The following EBF1 variants were observed in gnomAD, a reference collection of about 807,000 sequenced individuals.
EBF1 encodes the protein EBF transcription factor 1, also known as transcription factor COE1.
A neutral mutation model predicts 68.4 loss-of-function variants in EBF1; 10 were observed. The ratio of observed to expected loss-of-function variants is 0.15; its 90% CI spans 0.09 to 0.25. EBF1 has a LOEUF of 0.25. Ranked by LOEUF, EBF1 falls within the 10% of genes least tolerant of loss-of-function variation. The probability of loss-of-function intolerance (pLI) is 1.00; values close to 1 mark genes in which losing one functional copy is unlikely to be tolerated. For missense variants in EBF1, 509 were observed against 794.4 expected, an observed-to-expected ratio of 0.64 and a Z score of 4.32; for synonymous variants, 298 against 299.8, an observed-to-expected ratio of 0.99 and a Z score of 0.06.
intron 8 of EBF1, among the ~76,000 whole-genome samples, chr5:158,804,407 G>A (rs1047360060): frequency 6.6e-6 from 1 of 151,952 alleles, no homozygotes; most frequent in African/African-American, 2.4e-5. Context: ...AACAATCAAT[G>A]GACATAGCAC....
At chr5:158,785,499 T>C (rs377627168) in intron 9 of EBF1, among the ~76,000 whole-genome samples, 1 of 152,218 alleles carries the variant, frequency 6.6e-6, no homozygotes, top group Non-Finnish European at 1.5e-5. Context: ...CAGAGTTCTC[T>C]GGGTTTCATA....
chr5:158,722,186 A>C (rs937167534), intron 11 of EBF1, among the ~76,000 whole-genome samples: 1 of 152,200 alleles, frequency 6.6e-6, no homozygotes, highest in Non-Finnish European at 1.5e-5. Context: ...CTCTGCTTAA[A>C]GAGAAAGCTC....
At chr5:158,726,382 G>T (rs1762992397) in intron 11 of EBF1, among the ~76,000 whole-genome samples, 1 of 152,162 alleles carries the variant, frequency 6.6e-6, no homozygotes, top group African/African-American at 2.4e-5. Flanking sequence ...GTCAGGCAGG[G>T]CTGGGAGGGC....
intron 6 of EBF1, among the ~76,000 whole-genome samples, chr5:158,980,745 G>GA (rs1757728164): frequency 2.6e-5 from 4 of 152,148 alleles, no homozygotes; most frequent in African/African-American, 7.2e-5. Flanking sequence ...GCTACTGAAG[G>GA]TGTCTCTATG....
intron 10 of EBF1, among the ~76,000 whole-genome samples, chr5:158,772,903 C>T (rs1276477092): frequency 6.6e-6 from 1 of 152,038 alleles, no homozygotes; most frequent in Non-Finnish European, 1.5e-5. Context: ...TAAAAACAAC[C>T]CCAGCAAGGT....
intron 6 of EBF1, among the ~76,000 whole-genome samples, chr5:158,852,950 C>A (rs1164362764): frequency 6.6e-6 from 1 of 152,048 alleles, no homozygotes; most frequent in Non-Finnish European, 1.5e-5. Context: ...ATTGGTTGAT[C>A]ATTTACAAAA....
intron 6 of EBF1, among the ~76,000 whole-genome samples, chr5:158,978,624 CA>C (rs1299007153): frequency 1.3e-5 from 1 of 75,222 alleles, no homozygotes; most frequent in Non-Finnish European, 2.7e-5. Context: ...ACAGTGACAT[CA>C]TTTTTTTTTT....
At chr5:158,790,138 A>G (rs1778325231) in intron 9 of EBF1, among the ~76,000 whole-genome samples, 1 of 152,166 alleles carries the variant, frequency 6.6e-6, no homozygotes, top group Non-Finnish European at 1.5e-5. Flanking sequence ...CCTGTGTGAG[A>G]CTAATTGCTT....
intron 6 of EBF1, among the ~76,000 whole-genome samples, chr5:158,935,895 T>C (rs1170051707): frequency 6.6e-6 from 1 of 152,254 alleles, no homozygotes; most frequent in East Asian, 1.9e-4. Flanking sequence ...AGTAGATGAT[T>C]CATATTTCAT....
At chr5:159,058,507 C>T (rs1775196300) in intron 6 of EBF1, among the ~76,000 whole-genome samples, 2 of 152,184 alleles carry the variant, frequency 1.3e-5, no homozygotes, top group Non-Finnish European at 2.9e-5. Flanking sequence ...TCTGGAGATA[C>T]CCTTTCACAT....
chr5:158,872,468 G>A (rs888476707), intron 6 of EBF1, among the ~76,000 whole-genome samples: 2 of 152,160 alleles, frequency 1.3e-5, no homozygotes, highest in African/African-American at 4.8e-5. Flanking sequence ...CTGAAGGGCT[G>A]GGATTACAGG....
intron 6 of EBF1, among the ~76,000 whole-genome samples, chr5:158,869,331 C>T (rs73300056): frequency 2.2e-4 from 34 of 152,198 alleles, no homozygotes; most frequent in Admixed American, 1.8e-3. Context: ...GTTGCTTATC[C>T]GGGAGGACCC....
intron 6 of EBF1, among the ~76,000 whole-genome samples, chr5:158,977,370 A>G (rs1021006403): frequency 1.3e-5 from 2 of 152,244 alleles, no homozygotes; most frequent in Non-Finnish European, 2.9e-5. Context: ...TAAACTCACA[A>G]TTAGAAAGTA....
intron 6 of EBF1, among the ~76,000 whole-genome samples, chr5:158,971,602 T>C (rs1338501977): frequency 3.3e-5 from 5 of 152,100 alleles, no homozygotes; most frequent in Non-Finnish European, 7.4e-5. Context: ...CCCAAGATAC[T>C]GAGAACCTCT....
At chr5:158,935,044 A>C (rs1286186984) in intron 6 of EBF1, among the ~76,000 whole-genome samples, 1 of 152,250 alleles carries the variant, frequency 6.6e-6, no homozygotes, top group African/African-American at 2.4e-5. Flanking sequence ...TGACTACACT[A>C]CATTTTTTAA....
At chr5:158,922,049 A>C (rs1446177096) in intron 6 of EBF1, among the ~76,000 whole-genome samples, 1 of 152,226 alleles carries the variant, frequency 6.6e-6, no homozygotes, top group Non-Finnish European at 1.5e-5. Flanking sequence ...CAGTGCTCTT[A>C]GTTGTGCTGG....
chr5:159,058,624 CCGGAAACCCAAAGGAACTGCCTCATTT>C (rs1310340589), intron 6 of EBF1, among the ~76,000 whole-genome samples: 1 of 152,198 alleles, frequency 6.6e-6, no homozygotes, highest in East Asian at 1.9e-4. Flanking sequence ...TGAGATCTTT[CCGGAAACCCAAAGGAACTGCCTCATTT>C]GGTTTTCCCA....
intron 4 of EBF1, among the ~76,000 whole-genome samples, chr5:159,090,630 T>G (rs1359685906): frequency 6.6e-6 from 1 of 152,110 alleles, no homozygotes; most frequent in African/African-American, 2.4e-5. Context: ...AATGCATCTT[T>G]TATGTCTCAA....
chr5:158,940,075 C>T (rs1330390517), intron 6 of EBF1, among the ~76,000 whole-genome samples: 1 of 152,202 alleles, frequency 6.6e-6, no homozygotes, highest in Admixed American at 6.5e-5. Flanking sequence ...GCTGTAGTGC[C>T]TTGCCTCGCC....
Sources: gnomAD v4.1 joint callset for allele counts (sites outside exome capture counted in the v4.1 genomes callset) on GRCh38, gnomAD v4.1.1 for gene constraint, MANE v1.5 for transcripts, NCBI Gene and HGNC (gene_info 2026-07-23, HGNC 2026-07-21) for gene names.